Variants in CDC37L1 observed in about 807,000 individuals in gnomAD.
CDC37L1 encodes the protein hsp90 co-chaperone Cdc37-like 1.
CDC37L1 carries 32 observed loss-of-function variants against 45.9 expected under a neutral mutation model. The ratio of observed to expected loss-of-function variants is 0.70; its 90% CI spans 0.53 to 0.94. The LOEUF is 0.94. Among genes scored for constraint, CDC37L1 ranks in the 40% least tolerant of loss-of-function variants. The pLI, the probability that CDC37L1 is intolerant of heterozygous loss-of-function variation, is 0.00. For missense variants in CDC37L1, 434 were observed against 405.7 expected (o/e 1.07, Z -0.60); for synonymous variants, 150 against 133.0 (o/e 1.13, Z -0.88).
At chr9:4,682,892 T>A (rs1488990019) in intron 1 of CDC37L1, among the ~76,000 whole-genome samples, 1 of 150,756 alleles carries the variant, frequency 6.6e-6, no homozygotes, top group Non-Finnish European at 1.5e-5. Flanking sequence ...TTATTCTTGA[T>A]CCTATTCTAA....
chr9:4,693,279 A>C (rs902152705), intron 3 of CDC37L1, among the ~76,000 whole-genome samples: 1 of 100,872 alleles, frequency 9.9e-6, no homozygotes, highest in African/African-American at 3.9e-5. Flanking sequence ...TCATCTCTAC[A>C]AAAAAAAAAA....
intron 1 of CDC37L1, among the ~76,000 whole-genome samples, chr9:4,683,402 G>A (rs1369855585): frequency 1.3e-5 from 2 of 152,026 alleles, no homozygotes; most frequent in East Asian, 1.9e-4. Context: ...AACTTGGGTC[G>A]GGAGACACTG....
chr9:4,682,161 C>CT (rs1198428290), intron 1 of CDC37L1, among the ~76,000 whole-genome samples: 2,465 of 42,774 alleles, frequency 0.058, 37 homozygotes, highest in Non-Finnish European at 0.073. Flanking sequence ...TATCCTTTCT[C>CT]TTTTTTTTTT....
chr9:4,703,160 AAG>A, intron 6 of CDC37L1: 4 of 1,494,822 alleles, frequency 2.7e-6, no homozygotes, highest in Non-Finnish European at 3.6e-6. Flanking sequence ...TCTTATTCAA[AAG>A]ACAATGTGAG....
intron 3 of CDC37L1, among the ~76,000 whole-genome samples, chr9:4,689,323 CTTTTT>C (rs78778632): frequency 6.9e-6 from 1 of 144,680 alleles, no homozygotes; most frequent in Non-Finnish European, 1.5e-5. Flanking sequence ...AGGTTTAAAA[CTTTTT>C]TTTTTTTTAA....
chr9:4,694,874 A>C (rs1471277390), intron 3 of CDC37L1, among the ~76,000 whole-genome samples: 1 of 152,084 alleles, frequency 6.6e-6, no homozygotes, highest in Non-Finnish European at 1.5e-5. Flanking sequence ...CATCTCAACA[A>C]AAAGAAAAAA....
chr9:4,699,981 T>C (rs2130853100), intron 5 of CDC37L1, among the ~76,000 whole-genome samples: 1 of 152,216 alleles, frequency 6.6e-6, no homozygotes, highest in East Asian at 1.9e-4. Flanking sequence ...ATTATAAACA[T>C]AAAATTATAT....
Position 4,697,161 on chromosome 9 carries a change from G to C in CDC37L1, c.574G>C (p.Glu192Gln). 1.3e-6 allele frequency: 2 copies of C among 1,595,818 alleles called. No homozygotes were observed. The highest frequency in any genetic ancestry group is 1.7e-6 in the Non-Finnish European group (2 of 1,164,038). Reference protein sequence around the residue: ...LSDHPYLVCEETAKYLILWCF... With the variant: ...LSDHPYLVCEQTAKYLILWCF... Reference sequence around the variant, plus strand: ...TGACCATCCATACCTTGTATGTGAAGAAACTGCTAAATATCTTATTTTATG... The same window carrying C: ...TGACCATCCATACCTTGTATGTGAACAAACTGCTAAATATCTTATTTTATG... The change falls in exon 4 of 7, where the codon GAA (glutamate) becomes CAA (glutamine). Residue 192 changes from glutamate (E) to glutamine (Q), a missense_variant. Coordinates refer to ENST00000381854, the MANE Select transcript of CDC37L1 (RefSeq NM_017913.4).
At chr9:4,688,946 TTA>T (rs1841275836) in intron 3 of CDC37L1, among the ~76,000 whole-genome samples, 1 of 152,194 alleles carries the variant, frequency 6.6e-6, no homozygotes, top group Non-Finnish European at 1.5e-5. Context: ...TCTGATTATC[TTA>T]TGTTTTAAAG....
rs1443375141 is a variant in CDC37L1, at chr9:4,688,612, TCTA to T, written c.508+12_508+14del. The stretch of plus-strand genomic sequence containing the variant: ...GCAAAAAATCAGACATTTTGGTAAG[TCTA>T]CTACTTGGATTTCCTTCTTTGTAAT... On this transcript the variant is annotated splice_region_variant and intron_variant, in intron 3 of 6. Coordinates refer to ENST00000381854, the MANE Select transcript of CDC37L1 (RefSeq NM_017913.4). 2.7e-6 allele frequency: 4 copies of T among 1,475,054 alleles called. No homozygotes were observed. The allele number at this position is 1,475,054 out of a possible 1,614,324, so 91.4% of individuals were successfully genotyped here. A position where few individuals can be genotyped will look rare whatever the true frequency, so the allele number is the denominator to read the frequency against.
Position 4,685,076 on chromosome 9 carries a change from G to T in CDC37L1, c.332G>T (p.Arg111Leu). Residue 111 changes from arginine (R) to leucine (L), a missense_variant, in exon 2 of 7, where the codon CGA (arginine) becomes CTA (leucine). Physicochemically the swap from Arg to Leu is moderately radical, Grantham distance 102. Coordinates refer to ENST00000381854, the MANE Select transcript of CDC37L1 (RefSeq NM_017913.4). ...SELRQREEEW[R>L]QKEEALVQRE... ...CTGAGGCAACGGGAAGAAGAGTGGC[G>T]ACAGAAAGAAGAAGCTCTAGTACAA... The T allele has an allele frequency of 6.2e-7, 1 of 1,613,748 alleles. No individual in the cohort carries two copies. The highest frequency in any genetic ancestry group is 1.1e-5 in the South Asian group (1 of 91,054).
At chr9:4,694,830 G>T (rs1225306983) in intron 3 of CDC37L1, among the ~76,000 whole-genome samples, 2 of 151,962 alleles carry the variant, frequency 1.3e-5, no homozygotes, top group Non-Finnish European at 2.9e-5. Context: ...AGATCGTGTT[G>T]CTGTACTCCA....
intron 6 of CDC37L1, among the ~76,000 whole-genome samples, chr9:4,704,008 T>A (rs1402109753): frequency 6.6e-6 from 1 of 152,176 alleles, no homozygotes; most frequent in Non-Finnish European, 1.5e-5. Flanking sequence ...AAATTTCAGT[T>A]AGATGCTTGC....
At chr9:4,705,188 A>G (rs935750775) in intron 6 of CDC37L1, among the ~76,000 whole-genome samples, 9 of 152,214 alleles carry the variant, frequency 5.9e-5, no homozygotes, top group African/African-American at 2.2e-4. Context: ...TTTATTAAAT[A>G]AAATAAATAT....
chr9:4,699,809 C>T (rs1029183850), intron 5 of CDC37L1, among the ~76,000 whole-genome samples: 7 of 151,806 alleles, frequency 4.6e-5, no homozygotes, highest in Admixed American at 6.6e-5. Flanking sequence ...ATAAACTGTG[C>T]GCATATCTTT....
chr9:4,682,511 T>A (rs1841204654), intron 1 of CDC37L1, among the ~76,000 whole-genome samples: 1 of 151,662 alleles, frequency 6.6e-6, no homozygotes, highest in African/African-American at 2.4e-5. Flanking sequence ...GTATTTTTAG[T>A]AGAGATGAGG....
intron 5 of CDC37L1, among the ~76,000 whole-genome samples, chr9:4,701,299 T>C (rs1277410666): frequency 1.3e-5 from 2 of 152,206 alleles, no homozygotes; most frequent in South Asian, 2.1e-4. Flanking sequence ...TTCCATAATA[T>C]TGAAAAGAAG....
intron 3 of CDC37L1, among the ~76,000 whole-genome samples, chr9:4,692,782 C>T (rs1292458327): frequency 6.6e-6 from 1 of 152,012 alleles, no homozygotes. Context: ...CATTAGAAAA[C>T]TCATTAATGT....
intron 6 of CDC37L1, among the ~76,000 whole-genome samples, chr9:4,705,673 T>C (rs529437620): frequency 4.7e-4 from 72 of 152,300 alleles, no homozygotes; most frequent in African/African-American, 1.4e-3. Flanking sequence ...CTTCAAACCA[T>C]ATTTAAATTA....
Sources: allele counts gnomAD v4.1 joint callset (sites outside exome capture counted in the v4.1 genomes callset), GRCh38; gene constraint gnomAD v4.1.1; transcripts MANE v1.5; gene names NCBI Gene and HGNC (gene_info 2026-07-23, HGNC 2026-07-21).